Variants in RADIL observed in about 807,000 individuals in gnomAD.
RADIL encodes ras-associating and dilute domain-containing protein.
Under a neutral mutation model 97.6 loss-of-function variants are expected in RADIL, and 99 were observed. The observed-to-expected ratio is 1.01, with a 90% CI of 0.86 to 1.20. The LOEUF is 1.20. Ranked by LOEUF, RADIL falls within the 50% of genes most tolerant of loss-of-function variation. The pLI, the probability that RADIL is intolerant of heterozygous loss-of-function variation, is 0.00. For synonymous variants in RADIL, 803 were observed against 691.8 expected, an observed-to-expected ratio of 1.16 and a Z score of -2.52; for missense variants, 1,765 against 1,498.9, an observed-to-expected ratio of 1.18 and a Z score of -2.93.
At chr7:4,801,623 G>A in intron 12 of RADIL, 30 bp downstream of exon 12, 1 of 1,560,800 alleles carries the variant, frequency 6.4e-7, no homozygotes. Flanking sequence ...TCTGGGGTGG[G>A]TTCCCGCCTG....
intron 9 of RADIL, among the ~76,000 whole-genome samples, chr7:4,807,281 A>T (rs1367449738): frequency 6.6e-6 from 1 of 151,802 alleles, no homozygotes; most frequent in African/African-American, 2.4e-5. Context: ...GACGTCCTCC[A>T]ACACCACCGG....
intron 2 of RADIL, among the ~76,000 whole-genome samples, chr7:4,865,107 G>GC (rs1294842914): frequency 6.6e-6 from 1 of 152,094 alleles, no homozygotes; most frequent in Non-Finnish European, 1.5e-5. Flanking sequence ...TGCTCTTCCT[G>GC]CCCCACCGAC....
At chr7:4,847,238 T>C (rs1038861265) in intron 2 of RADIL, among the ~76,000 whole-genome samples, 1 of 152,098 alleles carries the variant, frequency 6.6e-6, no homozygotes, top group African/African-American at 2.4e-5. Flanking sequence ...GGAGAATCGC[T>C]TGAACCCAGG....
intron 5 of RADIL, among the ~76,000 whole-genome samples, chr7:4,828,893 G>T (rs992752317): frequency 2.0e-5 from 3 of 151,850 alleles, no homozygotes; most frequent in African/African-American, 7.3e-5. Flanking sequence ...TCCACCCAGA[G>T]CTGCGCTTCA....
Position 4,834,909 on chromosome 7 carries a change from G to GGC in RADIL, c.1112_1113dup (p.Leu372AlafsTer52). On this transcript the variant is annotated frameshift_variant, in exon 4 of 15. Transcript: ENST00000399583. LOFTEE classifies it high-confidence loss of function. The surrounding 1 kb of genome is among the most constrained non-coding windows in gnomAD (Gnocchi z 6.0). ...CGGCAGCTCTGCGGCACAGCCCGGA[G>GGC]GCGCGCCAAGGCCCGGGCGGGCAGG... is the stretch of plus-strand genomic sequence containing the variant. 1 of 1,533,006 alleles carries GGC rather than the reference G, an allele frequency of 6.5e-7. No individual in the cohort carries two copies. Among genetic ancestry groups the GGC allele is most frequent in the South Asian group, 1.3e-5 (1 of 79,636 alleles). The allele number at this position is 1,533,006 out of a possible 1,614,324, so 95.0% of individuals were successfully genotyped here.
intron 11 of RADIL, among the ~76,000 whole-genome samples, chr7:4,802,680 G>A (rs1562425509): frequency 1.8e-5 from 2 of 110,456 alleles, no homozygotes; most frequent in Admixed American, 9.0e-5. Flanking sequence ...CCCCTCCCCG[G>A]GTACCTCGGG....
rs754714822 is a variant in RADIL at position 4,819,054 on chromosome 7, T to TTCTC, written c.1616-1707_1616-1704dup. On this transcript the variant is annotated intron_variant, in intron 6 of 14. Coordinates refer to ENST00000399583, the MANE Select transcript of RADIL (RefSeq NM_018059.5). This position sits in a 1 kb window ranked among gnomAD's most constrained non-coding sequence, Gnocchi z 5.8. ...CCTGCACCCGGCCCTGAGACTCCAT[T>TTCTC]TCTCTCTCTCTCTCTCTCTTTTTTT... 2.8e-5 allele frequency among the ~76,000 whole-genome samples: 4 copies of TTCTC among 145,120 alleles called. No individual in the cohort carries two copies. Among genetic ancestry groups the TTCTC allele is most frequent in the Non-Finnish European group, 4.5e-5 (3 of 67,020 alleles).
At chr7:4,882,519 G>C (rs947655414) in intron 1 of RADIL, among the ~76,000 whole-genome samples, 5 of 152,176 alleles carry the variant, frequency 3.3e-5, no homozygotes, top group Admixed American at 1.3e-4. Context: ...TCCCAGCGGC[G>C]AGTACAGGGA....
chr7:4,806,194 G>A (rs1039883754), intron 9 of RADIL, among the ~76,000 whole-genome samples: 4 of 152,242 alleles, frequency 2.6e-5, no homozygotes, highest in African/African-American at 9.6e-5. Context: ...CTGTCACGCA[G>A]GTTGGGGTGC....
At chr7:4,833,915 T>C (rs1388440011) in intron 4 of RADIL, among the ~76,000 whole-genome samples, 1 of 152,058 alleles carries the variant, frequency 6.6e-6, no homozygotes, top group Non-Finnish European at 1.5e-5. Context: ...CATGGGTGTA[T>C]TGCGTGTGTG....
chr7:4,812,540 G>A (rs991637722), intron 9 of RADIL, among the ~76,000 whole-genome samples: 3 of 152,144 alleles, frequency 2.0e-5, no homozygotes, highest in African/African-American at 7.2e-5. Flanking sequence ...TCCTGCCTCA[G>A]CCTCCCAAGT....
At chr7:4,862,531 T>C (rs75709664) in intron 2 of RADIL, among the ~76,000 whole-genome samples, 2,571 of 152,344 alleles carry the variant, frequency 0.017, 79 homozygotes, top group African/African-American at 0.057. Flanking sequence ...TCTTTTCTTA[T>C]GGCAGCTATA....
intron 14 of RADIL, 54 bp from the exon 15 acceptor site, chr7:4,799,537 C>T: frequency 6.2e-7 from 1 of 1,612,898 alleles, no homozygotes; most frequent in Non-Finnish European, 8.5e-7. Context: ...GGGAGACCCA[C>T]AGGGTGCAGC....
chr7:4,822,532 T>C lies in RADIL; in HGVS notation c.1477A>G (p.Ser493Gly). 3 of 1,613,022 alleles carry C rather than the reference T, an allele frequency of 1.9e-6. No homozygotes were observed. The highest frequency in any genetic ancestry group is 2.5e-6 in the Non-Finnish European group (3 of 1,179,974). Residue 493 changes from serine to glycine, a missense_variant, in exon 6 of 15, where the codon AGC becomes GGC. Coordinates refer to ENST00000399583, the MANE Select transcript of RADIL (RefSeq NM_018059.5). The surrounding 1 kb of genome is among the most constrained non-coding windows in gnomAD (Gnocchi z 5.3). Reference protein sequence around the residue: ...AQLQEPISLASCAMADLVPDL... With the variant: ...AQLQEPISLAGCAMADLVPDL... ...GGAACCAGATCAGCCATGGCGCAGC[T>C]GGCCAGCGAGATGGGCTCCTGGCTA...
At chr7:4,805,995 G>A (rs1288783213) in intron 9 of RADIL, 74 of 985,334 alleles carry the variant, frequency 7.5e-5, no homozygotes, top group East Asian at 2.3e-4. Flanking sequence ...CCTCACAGGC[G>A]GCCGCCAACC....
At chr7:4,875,085 G>T (rs1324620737) in intron 2 of RADIL, among the ~76,000 whole-genome samples, 1 of 137,230 alleles carries the variant, frequency 7.3e-6, no homozygotes, top group Non-Finnish European at 1.5e-5. Context: ...CCAGCTACTC[G>T]GGAGGCTGAG....
chr7:4,807,971 C>A lies in RADIL; in HGVS notation c.2140-2255G>T, dbSNP rs1336227220. On this transcript the variant is annotated intron_variant, in intron 9 of 14. Transcript: ENST00000399583. ...TCTCCCTCCCTGTCTCTCTCCTCTC[C>A]CTCCTCCCTCTCTCCCTGTCTCTCT... Among the ~76,000 whole-genome samples the A allele has an allele frequency of 1.7e-4, 13 of 74,530 alleles. 1 individual carries two copies. Among genetic ancestry groups the A allele is most frequent in the African/African-American group, 1.4e-3 (13 of 9,576 alleles). 48.9% of individuals were successfully genotyped at this position (74,530 alleles called of 152,430 possible).
In RADIL at chr7:4,797,839, G is replaced by A. The variant is rs945939713; in HGVS notation, c.*1539C>T. Reference sequence around the variant, plus strand: ...ACTAAAAGTACTAAATTAGCCAAGCGTGGTGGCAGGCGCCTGTAATCCCAG... The same window carrying A: ...ACTAAAAGTACTAAATTAGCCAAGCATGGTGGCAGGCGCCTGTAATCCCAG... On this transcript the variant is annotated 3_prime_UTR_variant, in exon 15 of 15. Transcript: ENST00000399583. 1.3e-5 allele frequency: 2 copies of A among 152,002 alleles called. No individual in the cohort carries two copies. The highest frequency in any genetic ancestry group is 1.9e-4 in the East Asian group (1 of 5,186). The allele number at this position is 152,002 out of a possible 1,614,324, so 9.4% of individuals were successfully genotyped here. A position where few individuals can be genotyped will look rare whatever the true frequency, so the allele number is the denominator to read the frequency against.
Position 4,860,270 on chromosome 7 carries a change from C to A in RADIL, c.535+17335G>T, listed in dbSNP as rs758920026. ...GCTGTCGTTCAAATCTGTCAATCTT[C>A]TACCTTCTGTTGAGTGTGCTTTCTT... On this transcript the variant is annotated intron_variant, in intron 2 of 14. Coordinates refer to ENST00000399583, the MANE Select transcript of RADIL (RefSeq NM_018059.5). The A allele has an allele frequency of 2.3e-5, 37 of 1,613,980 alleles. 1 individual carries two copies. In the South Asian group the frequency reaches 3.5e-4, roughly 15 times the overall value.
Sources: gnomAD v4.1 joint callset for allele counts (sites outside exome capture counted in the v4.1 genomes callset) on GRCh38, gnomAD v4.1.1 for gene constraint, Gnocchi (gnomAD v3.1) non-coding constraint, MANE v1.5 for transcripts, NCBI Gene and HGNC (gene_info 2026-07-23, HGNC 2026-07-21) for gene names.